Variants in PARP8 observed in about 807,000 individuals in gnomAD.
The protein encoded by PARP8 is protein mono-ADP-ribosyltransferase PARP8.
A neutral mutation model predicts 124.1 loss-of-function variants in PARP8; 51 were observed. That is an observed-to-expected ratio of 0.41 (90% confidence interval 0.33 to 0.52). The LOEUF is 0.52. Ranked by LOEUF, PARP8 falls within the 20% of genes least tolerant of loss-of-function variation. PARP8 has a pLI of 0.21. For synonymous variants in PARP8, 391 were observed against 361.5 expected (o/e 1.08, Z -0.93); for missense variants, 860 against 1,018.9 (o/e 0.84, Z 2.12).
chr5:50,821,202 T>C lies in PARP8; in HGVS notation c.1669-11T>C. The stretch of plus-strand genomic sequence containing the variant: ...TGAAGGGTAGTAACTATCTTATGTG[T>C]ATATTTCAAGGTGGTAGATCTACTA... On this transcript the variant is annotated splice_polypyrimidine_tract_variant and intron_variant, in intron 15 of 25. Coordinates refer to ENST00000281631, the MANE Select transcript of PARP8 (RefSeq NM_024615.4). The C allele has an allele frequency of 6.2e-7, 1 of 1,613,898 alleles. No individual in the cohort carries two copies. The highest frequency in any genetic ancestry group is 8.5e-7 in the Non-Finnish European group (1 of 1,179,834).
chr5:50,673,696 C>T (rs890589667), intron 2 of PARP8, among the ~76,000 whole-genome samples: 1 of 152,146 alleles, frequency 6.6e-6, no homozygotes, highest in Non-Finnish European at 1.5e-5. Context: ...GGGATGTCTG[C>T]CAGGGGCAAT....
intron 2 of PARP8, among the ~76,000 whole-genome samples, chr5:50,698,771 G>C (rs1425652294): frequency 6.6e-6 from 1 of 152,174 alleles, no homozygotes; most frequent in African/African-American, 2.4e-5. Flanking sequence ...GGAGTTCCTT[G>C]AAAGTGTTCA....
chr5:50,803,787 A>G (rs76179578), intron 14 of PARP8, among the ~76,000 whole-genome samples: 6,455 of 152,230 alleles, frequency 0.042, 441 homozygotes, highest in African/African-American at 0.15. Context: ...TTTAACATCT[A>G]TGCTTTCCTT....
chr5:50,813,843 A>G (rs1213106857), intron 14 of PARP8, among the ~76,000 whole-genome samples: 1 of 152,166 alleles, frequency 6.6e-6, no homozygotes, highest in Non-Finnish European at 1.5e-5. Flanking sequence ...AGACACGCAC[A>G]CACACACACA....
At chr5:50,676,008 T>G (rs1750593088) in intron 2 of PARP8, among the ~76,000 whole-genome samples, 1 of 152,244 alleles carries the variant, frequency 6.6e-6, no homozygotes, top group African/African-American at 2.4e-5. Flanking sequence ...ATATTAGATT[T>G]GTAGCCAAAT....
At chr5:50,763,769 C>T (rs1242214045) in intron 7 of PARP8, among the ~76,000 whole-genome samples, 1 of 152,138 alleles carries the variant, frequency 6.6e-6, no homozygotes, top group East Asian at 1.9e-4. Flanking sequence ...GAAGACCCCA[C>T]CATCCTTACT....
At chr5:50,746,853 C>T (rs1271851550) in intron 2 of PARP8, among the ~76,000 whole-genome samples, 1 of 151,866 alleles carries the variant, frequency 6.6e-6, no homozygotes, top group African/African-American at 2.4e-5. Flanking sequence ...ATAACAAGAC[C>T]CCTGTCTCTA....
At chr5:50,747,421 CA>C (rs1483152178) in intron 2 of PARP8, among the ~76,000 whole-genome samples, 2 of 151,814 alleles carry the variant, frequency 1.3e-5, no homozygotes, top group African/African-American at 4.8e-5. Context: ...CTATGAAAAT[CA>C]GTTTCAAATA....
chr5:50,773,276 C>G (rs957038299), intron 7 of PARP8, among the ~76,000 whole-genome samples: 1 of 152,182 alleles, frequency 6.6e-6, no homozygotes. Flanking sequence ...AGCATTTCCC[C>G]TATGTTTTCT....
At chr5:50,704,182 A>G (rs1344849433) in intron 2 of PARP8, among the ~76,000 whole-genome samples, 2 of 152,040 alleles carry the variant, frequency 1.3e-5, no homozygotes, top group African/African-American at 4.8e-5. Flanking sequence ...TTACCCTTTG[A>G]AACTTGAGGC....
At chr5:50,792,807 A>T (rs1165311859) in intron 10 of PARP8, among the ~76,000 whole-genome samples, 4 of 152,156 alleles carry the variant, frequency 2.6e-5, no homozygotes, top group Non-Finnish European at 5.9e-5. Flanking sequence ...CACTGCTAAA[A>T]GGGCCCCAAA....
chr5:50,784,679 C>T (rs1410509438), intron 9 of PARP8, among the ~76,000 whole-genome samples: 1 of 152,090 alleles, frequency 6.6e-6, no homozygotes, highest in Non-Finnish European at 1.5e-5. Context: ...CTAGTACTTT[C>T]TGTCAAGTTC....
intron 2 of PARP8, among the ~76,000 whole-genome samples, chr5:50,682,351 A>T (rs1336429187): frequency 6.6e-6 from 1 of 152,154 alleles, no homozygotes; most frequent in Non-Finnish European, 1.5e-5. Flanking sequence ...CTATAAATAA[A>T]AAGGACTTCT....
chr5:50,788,317 TA>T (rs1421974954), intron 9 of PARP8, among the ~76,000 whole-genome samples: 1 of 148,758 alleles, frequency 6.7e-6, no homozygotes, highest in African/African-American at 2.4e-5. Context: ...ATATAATGTA[TA>T]ATATATATTA....
chr5:50,736,743 G>C (rs184498858), intron 2 of PARP8, among the ~76,000 whole-genome samples: 1 of 151,716 alleles, frequency 6.6e-6, no homozygotes, highest in East Asian at 1.9e-4. Flanking sequence ...GATCTTTTTT[G>C]CCCTTTTTCA....
chr5:50,760,424 T>C (rs1460057687), intron 5 of PARP8, 62 bp downstream of exon 5: 16 of 1,222,134 alleles, frequency 1.3e-5, no homozygotes, highest in Non-Finnish European at 1.7e-5. Flanking sequence ...ATTTACTGGG[T>C]TTTTGTAGTT....
intron 7 of PARP8, among the ~76,000 whole-genome samples, chr5:50,765,333 A>G (rs1395633525): frequency 6.6e-6 from 1 of 152,062 alleles, no homozygotes. Context: ...TTTATAGTTA[A>G]ATATTTTTCT....
intron 2 of PARP8, among the ~76,000 whole-genome samples, chr5:50,748,725 T>C (rs1207592566): frequency 6.6e-6 from 1 of 152,214 alleles, no homozygotes; most frequent in Non-Finnish European, 1.5e-5. Flanking sequence ...GTGTGTAATA[T>C]GTCGTTTTAT....
chr5:50,776,287 T>A (rs1274882987), intron 7 of PARP8, among the ~76,000 whole-genome samples: 1 of 152,220 alleles, frequency 6.6e-6, no homozygotes, highest in African/African-American at 2.4e-5. Context: ...GAATTCAGTT[T>A]GCTAGTATTT....
Sources: gnomAD v4.1 joint callset for allele counts (sites outside exome capture counted in the v4.1 genomes callset) on GRCh38, gnomAD v4.1.1 for gene constraint, MANE v1.5 for transcripts, NCBI Gene and HGNC (gene_info 2026-07-23, HGNC 2026-07-21) for gene names.